The following CDH26 variants were observed in gnomAD, a reference collection of about 807,000 sequenced individuals.
CDH26 encodes the protein cadherin-like protein 26.
CDH26 carries 83 observed loss-of-function variants against 90.3 expected under a neutral mutation model. The ratio of observed to expected loss-of-function variants is 0.92; its 90% CI spans 0.77 to 1.10. The LOEUF (loss-of-function observed/expected upper bound fraction) is 1.10. Ranked by LOEUF, CDH26 falls within the 50% of genes least tolerant of loss-of-function variation. The pLI is 0.00. For missense variants in CDH26, 1,013 were observed against 1,037.6 expected, an observed-to-expected ratio of 0.98 and a Z score of 0.33; for synonymous variants, 397 against 396.3, an observed-to-expected ratio of 1.00 and a Z score of -0.02.
intron 9 of CDH26, among the ~76,000 whole-genome samples, chr20:59,990,887 T>C (rs1404260064): frequency 6.6e-6 from 1 of 151,930 alleles, no homozygotes; most frequent in African/African-American, 2.4e-5. Flanking sequence ...TTCTTTTTTT[T>C]GAGATGGAGT....
Position 60,030,910 on chromosome 20 carries a change from T to A in CDH26, c.948-321T>A, listed in dbSNP as rs117375915. 6.9e-3 allele frequency among the ~76,000 whole-genome samples: 1,049 copies of A among 152,350 alleles called. 9 individuals carry two copies. The highest frequency in any genetic ancestry group is 0.029 in the South Asian group (141 of 4,822). On this transcript the variant is annotated intron_variant, in intron 7 of 8. Coordinates refer to the CDH26 transcript ENST00000370991. This position sits in a 1 kb window ranked among gnomAD's most constrained non-coding sequence, Gnocchi z 4.0. ...GGAAACCAGCCCGGAGTGAAAACAT[T>A]TCCTTCAAAAGTTTTTGTTTTTCAA... is the stretch of plus-strand genomic sequence containing the variant.
intron 7 of CDH26, among the ~76,000 whole-genome samples, chr20:59,986,911 G>C (rs192512395): frequency 1.8e-4 from 28 of 152,130 alleles, no homozygotes; most frequent in African/African-American, 6.5e-4. Context: ...TCTTTTCCTG[G>C]CTTGGTAAAA....
chr20:60,018,161 T>A (rs1374358189), downstream of CDH26, among the ~76,000 whole-genome samples: 1 of 152,094 alleles, frequency 6.6e-6, no homozygotes, highest in African/African-American at 2.4e-5. Context: ...TCCTTGTTGA[T>A]TTTATATCTA....
chr20:59,994,607 C>T (rs2145996288), intron 11 of CDH26, 118 bp downstream of exon 11: 1 of 1,293,710 alleles, frequency 7.7e-7, no homozygotes, highest in East Asian at 2.5e-5. Context: ...TGCGTTCTGG[C>T]AGAGCTGGCT....
intron 3 of CDH26, among the ~76,000 whole-genome samples, chr20:59,971,336 C>T (rs191521241): frequency 1.3e-5 from 2 of 152,208 alleles, no homozygotes; most frequent in Admixed American, 6.5e-5. Flanking sequence ...AGATTTTTAA[C>T]GTGTCCTCAT....
At chr20:59,970,660 A>G (rs1332698560) in intron 3 of CDH26, among the ~76,000 whole-genome samples, 1 of 151,746 alleles carries the variant, frequency 6.6e-6, no homozygotes, top group African/African-American at 2.4e-5. Flanking sequence ...AATACAAAAA[A>G]TTAACCAGGC....
intron 8 of CDH26, among the ~76,000 whole-genome samples, chr20:59,988,559 A>C (rs1293721431): frequency 6.6e-6 from 1 of 152,172 alleles, no homozygotes; most frequent in African/African-American, 2.4e-5. Context: ...AACTATGATC[A>C]TTAATATCTA....
At chr20:59,976,704 T>C (rs981037889) in intron 4 of CDH26, among the ~76,000 whole-genome samples, 1 of 152,098 alleles carries the variant, frequency 6.6e-6, no homozygotes, top group Admixed American at 6.5e-5. Flanking sequence ...CCCTGAAGCC[T>C]CCCTCAGTCC....
chr20:59,982,180 T>C (rs770120906), intron 4 of CDH26, among the ~76,000 whole-genome samples: 21 of 152,160 alleles, frequency 1.4e-4, no homozygotes, highest in Admixed American at 3.9e-4. Flanking sequence ...CCCCTAGAGG[T>C]TTATTCATTT....
In CDH26 at chr20:59,971,964, G is replaced by C. The variant is rs763265241; in HGVS notation, c.234G>C (p.Leu78=). The C allele has an allele frequency of 5.6e-6, 9 of 1,611,072 alleles. No individual in the cohort carries two copies. The African/African-American group carries it at 9.4e-5, about 17-fold the overall frequency. ...PGPFPKLIGE[L]FNNMSYNMSL... ...CTTTCCATTTTTCCTCCTTCCAGCT[G>C]TTCAATAATATGTCTTATAACATGT... is the stretch of plus-strand genomic sequence containing the variant. Residue 78 remains leucine (L), a splice_region_variant and synonymous_variant, in exon 4 of 18, where the codon CTG becomes CTC. Coordinates refer to ENST00000348616, the MANE Select transcript of CDH26 (RefSeq NM_177980.4).
intron 9 of CDH26, among the ~76,000 whole-genome samples, chr20:59,991,659 G>A (rs2061529203): frequency 6.6e-6 from 1 of 152,206 alleles, no homozygotes. Flanking sequence ...CATTTGCCCA[G>A]AAGATGAAGG....
chr20:59,974,206 G>A (rs962458280), intron 4 of CDH26, among the ~76,000 whole-genome samples: 1 of 152,082 alleles, frequency 6.6e-6, no homozygotes, highest in African/African-American at 2.4e-5. Context: ...TTTGAAAAGT[G>A]TCTGTTTATG....
chr20:59,981,375 C>G (rs2061393422), intron 4 of CDH26, among the ~76,000 whole-genome samples: 1 of 152,102 alleles, frequency 6.6e-6, no homozygotes, highest in Non-Finnish European at 1.5e-5. Context: ...CACAGTATAT[C>G]TTTTCATTCA....
rs2061564938 is a variant in CDH26, at chr20:59,994,344, G to A, written c.1521G>A (p.Met507Ile). The A allele has an allele frequency of 6.2e-7, 1 of 1,614,010 alleles. No individual in the cohort carries two copies. Among genetic ancestry groups the A allele is most frequent in the Non-Finnish European group, 8.5e-7 (1 of 1,180,008 alleles). Residue 507 changes from methionine to isoleucine, a missense_variant, in exon 11 of 18, where the codon ATG becomes ATA. Coordinates refer to ENST00000348616, the MANE Select transcript of CDH26 (RefSeq NM_177980.4). ...CTCTCCGGCCACGTTCCCGCTACAT[G>A]GAGGTCTGTGAGTCTGCTGTGCATG... is the stretch of plus-strand genomic sequence containing the variant. ...VPTLRPRSRY[M>I]EVCESAVHEP...
chr20:60,017,085 G>C (rs777653163), downstream of CDH26, among the ~76,000 whole-genome samples: 14 of 151,954 alleles, frequency 9.2e-5, no homozygotes, highest in Non-Finnish European at 1.8e-4. Context: ...CTTTTTCTGT[G>C]TGTCTTTGTA....
chr20:59,989,592 G>T (rs1198503781), intron 9 of CDH26, among the ~76,000 whole-genome samples: 1 of 151,404 alleles, frequency 6.6e-6, no homozygotes, highest in Non-Finnish European at 1.5e-5. Context: ...TCACGAGGTT[G>T]CCTCAGTCTC....
In CDH26 at chr20:59,972,136, T is replaced by C; in HGVS notation, c.393+13T>C. 6.2e-7 allele frequency: 1 copy of C among 1,611,384 alleles called. No individual in the cohort carries two copies. Among genetic ancestry groups the C allele is most frequent in the Non-Finnish European group, 8.5e-7 (1 of 1,178,284 alleles). ...ACCATCTTTCACGGTATCTAAAACT[T>C]GATATATTCTAAGCTCGGATTTAAA... On this transcript the variant is annotated intron_variant, in intron 4 of 17. Transcript: ENST00000348616.
At chr20:59,994,197 A>G in intron 10 of CDH26, 53 bp from the exon 11 acceptor site, 1 of 1,607,946 alleles carries the variant, frequency 6.2e-7, no homozygotes, top group South Asian at 1.1e-5. Context: ...CTCATTCTCC[A>G]GAGCTGTGTG....
At chr20:59,995,779 G>A (rs1400036421) in intron 11 of CDH26, 54 bp from the exon 12 acceptor site, 1 of 1,498,470 alleles carries the variant, frequency 6.7e-7, no homozygotes, top group Non-Finnish European at 9.3e-7. Flanking sequence ...CGTGTGTTGA[G>A]CAGATGAGCA....
Sources: gnomAD v4.1 joint callset for allele counts (sites outside exome capture counted in the v4.1 genomes callset) on GRCh38, gnomAD v4.1.1 for gene constraint, Gnocchi (gnomAD v3.1) non-coding constraint, MANE v1.5 for transcripts, NCBI Gene and HGNC (gene_info 2026-07-23, HGNC 2026-07-21) for gene names.